The following NOCT variants were observed in gnomAD, a reference collection of about 807,000 sequenced individuals.
The protein encoded by NOCT is nocturnin, also known as CCR4 carbon catabolite repression 4-like.
In NOCT, 18 loss-of-function variants were observed where a neutral mutation model predicts 35.0. The observed-to-expected ratio is 0.51, with a 90% confidence interval of 0.36 to 0.76. The LOEUF is 0.76. Ranked by LOEUF, NOCT falls within the 30% of genes least tolerant of loss-of-function variation. The probability of loss-of-function intolerance (pLI) is 0.01; values close to 1 mark genes in which losing one functional copy is unlikely to be tolerated. For synonymous variants in NOCT, 235 were observed against 226.3 expected (o/e 1.04, Z -0.34); for missense variants, 479 against 541.0 (o/e 0.89, Z 1.14).
intron 1 of NOCT, among the ~76,000 whole-genome samples, chr4:139,024,573 A>C (rs1726478894): frequency 6.6e-6 from 1 of 151,478 alleles, no homozygotes; most frequent in Admixed American, 6.6e-5. Flanking sequence ...AGAGGAAGGG[A>C]GTTTTGCATG....
intron 1 of NOCT, among the ~76,000 whole-genome samples, chr4:139,029,615 A>G (rs1408716326): frequency 1.3e-5 from 2 of 152,136 alleles, no homozygotes; most frequent in African/African-American, 2.4e-5. Context: ...GTTTATTTTT[A>G]TTTTTATTTT....
At chr4:139,021,070 C>CAA (rs942925444) in intron 1 of NOCT, among the ~76,000 whole-genome samples, 20 of 55,618 alleles carry the variant, frequency 3.6e-4, no homozygotes, top group East Asian at 2.0e-3. Context: ...TACTCTGTCT[C>CAA]AAAAAAAAAA....
At chr4:139,044,077 A>G (rs1384122860) in intron 2 of NOCT, among the ~76,000 whole-genome samples, 1 of 150,538 alleles carries the variant, frequency 6.6e-6, no homozygotes, top group Admixed American at 6.6e-5. Context: ...AATCAACTCT[A>G]TGTAGCATTG....
chr4:139,039,765 A>T (rs1726801353), intron 1 of NOCT, among the ~76,000 whole-genome samples: 1 of 151,944 alleles, frequency 6.6e-6, no homozygotes, highest in Non-Finnish European at 1.5e-5. Flanking sequence ...GTATCGCTCT[A>T]TTGCCAGGCT....
chr4:139,023,715 C>G (rs1021682514), intron 1 of NOCT, among the ~76,000 whole-genome samples: 1 of 152,096 alleles, frequency 6.6e-6, no homozygotes, highest in Non-Finnish European at 1.5e-5. Context: ...TCAGGCTGTT[C>G]TCGAACTCCT....
At chr4:139,039,059 G>T (rs1195076653) in intron 1 of NOCT, among the ~76,000 whole-genome samples, 1 of 151,628 alleles carries the variant, frequency 6.6e-6, no homozygotes, top group Non-Finnish European at 1.5e-5. Context: ...TTAGCTTGTT[G>T]GGTGTGGTGG....
At position 139,015,914 on chromosome 4, in the gene NOCT, T is replaced by G; in HGVS notation, c.-68T>G. The G allele has an allele frequency of 2.5e-6, 3 of 1,213,960 alleles. No homozygotes were observed. Among genetic ancestry groups the G allele is most frequent in the Middle Eastern group, 3.2e-4 (1 of 3,154 alleles). The allele number at this position is 1,213,960 out of a possible 1,614,324, so 75.2% of individuals were successfully genotyped here. A position where few individuals can be genotyped will look rare whatever the true frequency, so the allele number is the denominator to read the frequency against. On this transcript the variant is annotated 5_prime_UTR_variant, in exon 1 of 3. Transcript: ENST00000280614. ...TGCCCGGACAGTCGGCTCGACTCGG[T>G]GCCCTCGGCCCCAGCCGGGCTCCGC...
At chr4:139,042,970 G>T in intron 1 of NOCT, 104 bp from the exon 2 acceptor site, 11 of 965,412 alleles carry the variant, frequency 1.1e-5, no homozygotes, top group Non-Finnish European at 1.7e-5. Flanking sequence ...GGCAACAATT[G>T]AGCTCCTGGT....
chr4:139,042,631 A>G (rs1254398405), intron 1 of NOCT, among the ~76,000 whole-genome samples: 2 of 152,142 alleles, frequency 1.3e-5, no homozygotes, highest in Non-Finnish European at 2.9e-5. Flanking sequence ...AAATGGCTTT[A>G]TACGCCGGGC....
chr4:139,045,354 C>G lies in NOCT; in HGVS notation c.1176C>G (p.Leu392=). The G allele has an allele frequency of 6.2e-7, 1 of 1,613,916 alleles. No homozygotes were observed. The highest frequency in any genetic ancestry group is 8.5e-7 in the Non-Finnish European group (1 of 1,179,872). ...SKHALNVRSA[L]DLLTEEQIGP... is the part of the protein sequence containing the mutation. ...ATGCTCTAAATGTAAGGTCAGCTCT[C>G]GATCTGCTCACTGAAGAACAGATTG... The change falls in exon 3 of 3, where the codon CTC becomes CTG. Residue 392 remains leucine (L), a synonymous_variant. Transcript: ENST00000280614.
chr4:139,022,939 A>G (rs1428199899), intron 1 of NOCT, among the ~76,000 whole-genome samples: 1 of 152,076 alleles, frequency 6.6e-6, no homozygotes, highest in Non-Finnish European at 1.5e-5. Context: ...ATCTTTATGA[A>G]AAATGTAAAA....
chr4:139,032,627 A>G (rs551766982), intron 1 of NOCT, among the ~76,000 whole-genome samples: 1 of 152,358 alleles, frequency 6.6e-6, no homozygotes, highest in East Asian at 1.9e-4. Context: ...CCTGAAGCCA[A>G]TTTGAGTGCC....
intron 1 of NOCT, among the ~76,000 whole-genome samples, chr4:139,038,436 C>T (rs2148646532): frequency 6.6e-6 from 1 of 151,978 alleles, no homozygotes; most frequent in Admixed American, 6.6e-5. Context: ...TGATAATCTG[C>T]TATTAGTCCA....
intron 1 of NOCT, among the ~76,000 whole-genome samples, chr4:139,029,397 G>A (rs1389046978): frequency 6.6e-6 from 1 of 152,218 alleles, no homozygotes; most frequent in Non-Finnish European, 1.5e-5. Context: ...CCTAACTTGA[G>A]TCCTTGCTTT....
rs957518718 is a variant in NOCT at position 139,016,393 on chromosome 4, CTG to C, written c.190+224_190+225del. 8.5e-5 allele frequency among the ~76,000 whole-genome samples: 13 copies of C among 152,232 alleles called. No individual in the cohort carries two copies. The East Asian group carries it at 1.5e-3, about 18-fold the overall frequency. On this transcript the variant is annotated intron_variant, in intron 1 of 2. Transcript: ENST00000280614. ...ATCAAAGCTAGTAAGAACTGGGAGA[CTG>C]TATTCAGGTTCCCGCTTGACCCTTA...
rs1342644933 is a variant in NOCT, at chr4:139,015,969, G to C, written c.-13G>C. 1.5e-6 allele frequency: 2 copies of C among 1,343,448 alleles called. No individual in the cohort carries two copies. The highest frequency in any genetic ancestry group is 1.5e-5 in the African/African-American group (1 of 65,012). The allele number at this position is 1,343,448 out of a possible 1,614,324, so 83.2% of individuals were successfully genotyped here. The stretch of plus-strand genomic sequence containing the variant: ...CGGGCGCGCGAGGGGCCGTGGTGGC[G>C]GCGGCGCCCGGCATGTTTCATAGTC... On this transcript the variant is annotated 5_prime_UTR_variant, in exon 1 of 3. Coordinates refer to ENST00000280614, the MANE Select transcript of NOCT (RefSeq NM_012118.4).
Position 139,015,942 on chromosome 4 carries a change from C to A in NOCT, c.-40C>A. 7.7e-7 allele frequency: 1 copy of A among 1,305,722 alleles called. No homozygotes were observed. Among genetic ancestry groups the A allele is most frequent in the Non-Finnish European group, 9.7e-7 (1 of 1,030,858 alleles). 80.9% of individuals were successfully genotyped at this position (1,305,722 alleles called of 1,614,324 possible). ...CCTCGGCCCCAGCCGGGCTCCGCTC[C>A]TCGGGCGCGCGAGGGGCCGTGGTGG... On this transcript the variant is annotated 5_prime_UTR_variant, in exon 1 of 3. Coordinates refer to ENST00000280614, the MANE Select transcript of NOCT (RefSeq NM_012118.4).
chr4:139,026,585 T>A (rs2148643470), intron 1 of NOCT, among the ~76,000 whole-genome samples: 1 of 148,054 alleles, frequency 6.8e-6, no homozygotes, highest in African/African-American at 2.5e-5. Flanking sequence ...AGTTTCACTC[T>A]TGTCACCCAG....
intron 1 of NOCT, among the ~76,000 whole-genome samples, chr4:139,021,778 T>TTTA (rs397826020): frequency 2.6e-5 from 4 of 151,324 alleles, no homozygotes; most frequent in African/African-American, 7.3e-5. Flanking sequence ...TTTTTTTTTT[T>TTTA]AGACAGTTTT....
Sources: allele counts gnomAD v4.1 joint callset (sites outside exome capture counted in the v4.1 genomes callset), GRCh38; gene constraint gnomAD v4.1.1; transcripts MANE v1.5; gene names NCBI Gene and HGNC (gene_info 2026-07-23, HGNC 2026-07-21).